PAIP2: variants seen among roughly 807,000 people sequenced by gnomAD.
The protein encoded by PAIP2 is polyadenylate-binding protein-interacting protein 2.
A neutral mutation model predicts 14.8 loss-of-function variants in PAIP2; 7 were observed. The observed-to-expected ratio is 0.47, with a 90% CI of 0.27 to 0.89. The LOEUF (loss-of-function observed/expected upper bound fraction) is 0.89. Among genes scored for constraint, PAIP2 ranks in the 40% least tolerant of loss-of-function variants. The pLI, the probability that PAIP2 is intolerant of heterozygous loss-of-function variation, is 0.13. For synonymous variants in PAIP2, 47 were observed against 45.3 expected, an observed-to-expected ratio of 1.04 and a Z score of -0.15; for missense variants, 122 against 154.7, an observed-to-expected ratio of 0.79 and a Z score of 1.12.
rs1219188440 is a variant in PAIP2 at position 139,361,190 on chromosome 5, A to G, written c.-26-2569A>G. Among the ~76,000 whole-genome samples the G allele has an allele frequency of 2.0e-5, 3 of 151,954 alleles. 1 individual carries two copies. On this transcript the variant is annotated intron_variant, in intron 1 of 3. Transcript: ENST00000265192. ...TTTTCACCACTATGATCCTGTTGTC[A>G]TTAGTATCTAGTATTTGTCATATTA...
intron 1 of PAIP2, among the ~76,000 whole-genome samples, chr5:139,360,634 AG>A (rs761523527): frequency 6.6e-6 from 1 of 152,088 alleles, no homozygotes; most frequent in Non-Finnish European, 1.5e-5. Context: ...CTGGGACTGC[AG>A]GCGTGCACCA....
chr5:139,356,925 T>C lies in PAIP2; in HGVS notation c.-26-6834T>C, dbSNP rs180814257. 9.9e-5 allele frequency among the ~76,000 whole-genome samples: 15 copies of C among 151,808 alleles called. No individual in the cohort carries two copies. The East Asian group carries it at 2.9e-3, about 29-fold the overall frequency. ...AAAAAAAAAGACATTTTGAATGATA[T>C]AATGTGGCAATTCTGGAAATTAGAT... On this transcript the variant is annotated intron_variant, in intron 1 of 3. Transcript: ENST00000265192.
intron 1 of PAIP2, among the ~76,000 whole-genome samples, chr5:139,345,052 G>GTTGTTT (rs927002498): frequency 1.3e-5 from 2 of 151,798 alleles, no homozygotes; most frequent in African/African-American, 4.8e-5. Context: ...TGTTGTTGTT[G>GTTGTTT]TTGTTGTTTT....
rs1581340345 is a variant in PAIP2 at position 139,369,091 on chromosome 5, T to C, written c.*293T>C. ...ATTAAAAGACCTAAACCTTACCAAA[T>C]TGTCTTTTTTTGAGGCTAATCTATC... On this transcript the variant is annotated 3_prime_UTR_variant, in exon 4 of 4. Coordinates refer to ENST00000265192, the MANE Select transcript of PAIP2 (RefSeq NM_016480.5). The C allele has an allele frequency of 4.3e-6, 1 of 232,316 alleles. No individual in the cohort carries two copies. The highest frequency in any genetic ancestry group is 8.3e-6 in the Non-Finnish European group (1 of 120,288). The allele number at this position is 232,316 out of a possible 1,614,324, so 14.4% of individuals were successfully genotyped here.
intron 1 of PAIP2, among the ~76,000 whole-genome samples, chr5:139,349,964 T>C (rs530324333): frequency 6.6e-6 from 1 of 152,100 alleles, no homozygotes; most frequent in Middle Eastern, 3.4e-3. Context: ...ATTGCGCCAC[T>C]ACACTCCAGC....
intron 1 of PAIP2, among the ~76,000 whole-genome samples, chr5:139,353,716 GTCTTT>G (rs948831665): frequency 2.2e-4 from 30 of 135,322 alleles, no homozygotes; most frequent in Admixed American, 1.7e-3. Flanking sequence ...ATTATGCATT[GTCTTT>G]TCTTTTTTTT....
intron 1 of PAIP2, among the ~76,000 whole-genome samples, chr5:139,357,550 C>T (rs1756950986): frequency 1.3e-5 from 2 of 152,068 alleles, no homozygotes; most frequent in African/African-American, 4.8e-5. Context: ...TATTATATTG[C>T]AGCCAGGGGC....
chr5:139,367,549 T>A (rs1254628734), intron 3 of PAIP2: 2 of 152,048 alleles, frequency 1.3e-5, no homozygotes, highest in East Asian at 1.9e-4. Context: ...ACACAGAAGT[T>A]AGTTAGGGGC....
chr5:139,365,578 A>T (rs1757204398), intron 3 of PAIP2, among the ~76,000 whole-genome samples: 1 of 152,062 alleles, frequency 6.6e-6, no homozygotes, highest in Non-Finnish European at 1.5e-5. Flanking sequence ...AGGCAGGAGA[A>T]TCGCTTCAAC....
chr5:139,345,241 G>A (rs529444680), intron 1 of PAIP2, among the ~76,000 whole-genome samples: 2 of 152,046 alleles, frequency 1.3e-5, no homozygotes, highest in South Asian at 4.1e-4. Flanking sequence ...GGGTTTCACC[G>A]TGTTAGCCAG....
intron 3 of PAIP2, among the ~76,000 whole-genome samples, chr5:139,366,220 AAAAAG>A (rs1757242654): frequency 6.6e-6 from 1 of 151,632 alleles, no homozygotes; most frequent in African/African-American, 2.4e-5. Flanking sequence ...AAAAAAAAAA[AAAAAG>A]CGGGGTGGGG....
rs201030798 is a variant in PAIP2, at chr5:139,363,880, A to G, written c.96A>G (p.Ala32=). 1 of 1,613,998 alleles carries G rather than the reference A, an allele frequency of 6.2e-7. No homozygotes were observed. Among genetic ancestry groups the G allele is most frequent in the Non-Finnish European group, 8.5e-7 (1 of 1,179,824 alleles). The change falls in exon 2 of 4, where the codon GCA becomes GCG. Residue 32 remains alanine, a synonymous_variant. Coordinates refer to ENST00000265192, the MANE Select transcript of PAIP2 (RefSeq NM_016480.5). ...CTCATGAAGATGACAATCCATTTGC[A>G]GAGTACATGTGGATGGAAAATGAAG... The part of the protein sequence containing the change: ...GHSHEDDNPF[A]EYMWMENEEE...
At position 139,369,691 on chromosome 5, in the gene PAIP2, T is replaced by TA. The variant is rs1561969187; in HGVS notation, c.*900dup. 6.6e-6 allele frequency: 1 copy of TA among 152,582 alleles called. No homozygotes were observed. The highest frequency in any genetic ancestry group is 1.9e-4 in the East Asian group (1 of 5,202). 9.5% of individuals were successfully genotyped at this position (152,582 alleles called of 1,614,324 possible). On this transcript the variant is annotated 3_prime_UTR_variant, in exon 4 of 4. Transcript: ENST00000265192. Reference sequence around the variant, plus strand: ...AAAATTATATTTTTTCAAAAATATTTAAAAAAATAAATAATAGTAGAACTG... The same window carrying TA: ...AAAATTATATTTTTTCAAAAATATTTAAAAAAAATAAATAATAGTAGAACTG...
intron 1 of PAIP2, among the ~76,000 whole-genome samples, chr5:139,361,292 A>G (rs1432004928): frequency 6.6e-6 from 1 of 152,102 alleles, no homozygotes; most frequent in Non-Finnish European, 1.5e-5. Context: ...GCCAGGCAAC[A>G]CACATAGGGT....
intron 1 of PAIP2, among the ~76,000 whole-genome samples, chr5:139,360,777 C>CT (rs61294239): frequency 0.052 from 7,323 of 141,760 alleles, 220 homozygotes; most frequent in Non-Finnish European, 0.08. Context: ...TCCTGCCTTT[C>CT]TTTTTTTTTT....
chr5:139,358,782 T>G (rs1756989205), intron 1 of PAIP2, among the ~76,000 whole-genome samples: 1 of 152,210 alleles, frequency 6.6e-6, no homozygotes, highest in Non-Finnish European at 1.5e-5. Context: ...TATTTTATGA[T>G]TCCATTTATA....
chr5:139,361,440 C>G (rs1436313495), intron 1 of PAIP2, among the ~76,000 whole-genome samples: 1 of 152,068 alleles, frequency 6.6e-6, no homozygotes, highest in African/African-American at 2.4e-5. Context: ...TGGCACAAGT[C>G]ACTATACTGC....
chr5:139,345,702 A>G (rs1398163747), intron 1 of PAIP2, among the ~76,000 whole-genome samples: 5 of 146,470 alleles, frequency 3.4e-5, no homozygotes, highest in Admixed American at 7.1e-5. Context: ...ATCTCATTTC[A>G]CTGCAAGCTC....
intron 1 of PAIP2, among the ~76,000 whole-genome samples, chr5:139,361,281 G>T (rs73790653): frequency 0.024 from 3,680 of 151,820 alleles, 169 homozygotes; most frequent in African/African-American, 0.085. Flanking sequence ...AAATTTAAAG[G>T]GCCAGGCAAC....
Sources: gnomAD v4.1 joint callset for allele counts (sites outside exome capture counted in the v4.1 genomes callset) on GRCh38, gnomAD v4.1.1 for gene constraint, MANE v1.5 for transcripts, NCBI Gene and HGNC (gene_info 2026-07-23, HGNC 2026-07-21) for gene names.